RORA: variants seen among roughly 807,000 people sequenced by gnomAD.
RORA encodes the protein nuclear receptor ROR-alpha.
RORA carries 7 observed loss-of-function variants against 69.5 expected under a neutral mutation model. That is an observed-to-expected ratio of 0.10 (90% confidence interval 0.06 to 0.19). The LOEUF (loss-of-function observed/expected upper bound fraction) is 0.19. RORA is among the 10% of genes least tolerant of loss of function. RORA has a pLI of 1.00. For missense variants in RORA, 457 were observed against 663.0 expected (o/e 0.69, Z 3.41); for synonymous variants, 261 against 240.8 (o/e 1.08, Z -0.78).
chr15:60,952,271 G>A (rs1330719514), intron 1 of RORA, among the ~76,000 whole-genome samples: 1 of 152,000 alleles, frequency 6.6e-6, no homozygotes, highest in Non-Finnish European at 1.5e-5. Flanking sequence ...CAATAAATTA[G>A]GTATTGATGG....
At chr15:60,963,721 G>C (rs982785411) in intron 1 of RORA, among the ~76,000 whole-genome samples, 1 of 152,198 alleles carries the variant, frequency 6.6e-6, no homozygotes, top group Non-Finnish European at 1.5e-5. Flanking sequence ...GAACTCAGCG[G>C]GAATGGCCCA....
chr15:60,932,789 G>T (rs1892413211), intron 1 of RORA, among the ~76,000 whole-genome samples: 1 of 152,136 alleles, frequency 6.6e-6, no homozygotes, highest in Admixed American at 6.5e-5. Context: ...TCTGAGCTTG[G>T]CTGGCATGTG....
chr15:60,699,698 T>A (rs572698813), intron 1 of RORA, among the ~76,000 whole-genome samples: 6 of 152,346 alleles, frequency 3.9e-5, no homozygotes, highest in African/African-American at 1.4e-4. Context: ...TACTGTAGCA[T>A]CTATATTTAA....
At chr15:60,877,662 T>C (rs2073633072) in intron 1 of RORA, among the ~76,000 whole-genome samples, 1 of 152,232 alleles carries the variant, frequency 6.6e-6, no homozygotes, top group Non-Finnish European at 1.5e-5. Context: ...AAATAACAAA[T>C]CCATTACAAA....
intron 1 of RORA, among the ~76,000 whole-genome samples, chr15:60,707,859 T>A (rs918637569): frequency 3.9e-5 from 6 of 152,190 alleles, no homozygotes; most frequent in Non-Finnish European, 8.8e-5. Flanking sequence ...CTCTCTAAGT[T>A]TAGCCTCTCC....
chr15:61,069,946 C>G (rs576204497), intron 1 of RORA, among the ~76,000 whole-genome samples: 1 of 152,250 alleles, frequency 6.6e-6, no homozygotes, highest in African/African-American at 2.4e-5. Context: ...CTCACAGTCT[C>G]TAATACCTTG....
chr15:60,823,520 C>T (rs566019898), intron 1 of RORA, among the ~76,000 whole-genome samples: 21 of 152,192 alleles, frequency 1.4e-4, no homozygotes, highest in Non-Finnish European at 3.1e-4. Context: ...CACCTCATGC[C>T]TGGCACACAG....
intron 1 of RORA, among the ~76,000 whole-genome samples, chr15:61,059,963 A>G (rs1426412047): frequency 4.2e-5 from 5 of 119,222 alleles, no homozygotes; most frequent in Non-Finnish European, 8.9e-5. Flanking sequence ...GAAGAAGAAG[A>G]GGAAGAGGAA....
intron 1 of RORA, among the ~76,000 whole-genome samples, chr15:61,066,418 CTTTT>C (rs1168663714): frequency 4.9e-5 from 4 of 80,964 alleles, no homozygotes; most frequent in South Asian, 4.5e-4. Context: ...GGGCATATTC[CTTTT>C]TTTTTTTTTT....
chr15:60,728,301 C>A (rs1240071770), intron 1 of RORA, among the ~76,000 whole-genome samples: 1 of 152,142 alleles, frequency 6.6e-6, no homozygotes, highest in African/African-American at 2.4e-5. Context: ...GACAAATATT[C>A]TCTTACCGTT....
intron 1 of RORA, among the ~76,000 whole-genome samples, chr15:61,204,610 T>C (rs947853642): frequency 2.0e-5 from 3 of 152,174 alleles, no homozygotes; most frequent in Non-Finnish European, 2.9e-5. Context: ...CGGAATCCAA[T>C]GTAGGGTTTT....
intron 1 of RORA, among the ~76,000 whole-genome samples, chr15:61,113,642 A>C (rs1302042791): frequency 6.6e-6 from 1 of 152,162 alleles, no homozygotes; most frequent in African/African-American, 2.4e-5. Context: ...CTAGCTAGGA[A>C]GTTCCTGAGC....
At chr15:60,675,575 A>G (rs1004850934) in intron 2 of RORA, among the ~76,000 whole-genome samples, 2 of 152,194 alleles carry the variant, frequency 1.3e-5, no homozygotes, top group Non-Finnish European at 2.9e-5. Context: ...CAAACACTTA[A>G]GGTACCCTTC....
chr15:60,575,497 C>A (rs142604047), intron 2 of RORA, among the ~76,000 whole-genome samples: 1 of 151,814 alleles, frequency 6.6e-6, no homozygotes, highest in Non-Finnish European at 1.5e-5. Flanking sequence ...ATTCCAAAGT[C>A]GAGTCTAGAG....
At chr15:60,942,085 A>T (rs956944994) in intron 1 of RORA, among the ~76,000 whole-genome samples, 1 of 152,066 alleles carries the variant, frequency 6.6e-6, no homozygotes, top group African/African-American at 2.4e-5. Flanking sequence ...CTAATTTTTT[A>T]AAAACATGGA....
At chr15:60,904,102 TG>T (rs1595805728) in intron 1 of RORA, among the ~76,000 whole-genome samples, 1 of 152,224 alleles carries the variant, frequency 6.6e-6, no homozygotes, top group East Asian at 1.9e-4. Flanking sequence ...TCCTTTGTAG[TG>T]GTTCAAATAA....
intron 1 of RORA, among the ~76,000 whole-genome samples, chr15:60,693,589 C>T (rs546439730): frequency 6.6e-6 from 1 of 152,316 alleles, no homozygotes; most frequent in South Asian, 2.1e-4. Context: ...TAAGCAACCT[C>T]AGCAGTCTCA....
At chr15:60,819,258 C>T (rs746970067) in intron 1 of RORA, among the ~76,000 whole-genome samples, 19 of 152,168 alleles carry the variant, frequency 1.2e-4, no homozygotes, top group African/African-American at 2.4e-4. Context: ...CAGGAGTATG[C>T]TCTGATGCTG....
intron 1 of RORA, among the ~76,000 whole-genome samples, chr15:61,216,369 G>A (rs2140942511): frequency 6.6e-6 from 1 of 152,268 alleles, no homozygotes; most frequent in East Asian, 1.9e-4. Flanking sequence ...TTAGAGTATT[G>A]CTTGCAAAGT....
Sources: allele counts gnomAD v4.1 joint callset (sites outside exome capture counted in the v4.1 genomes callset), GRCh38; gene constraint gnomAD v4.1.1; transcripts MANE v1.5; gene names NCBI Gene and HGNC (gene_info 2026-07-23, HGNC 2026-07-21).